The following ACKR2 variants were observed in gnomAD, a reference collection of about 807,000 sequenced individuals.
ACKR2 encodes the protein C-C chemokine receptor D6.
For synonymous variants in ACKR2, 207 were observed against 192.2 expected, an observed-to-expected ratio of 1.08 and a Z score of -0.64; for missense variants, 457 against 477.3, an observed-to-expected ratio of 0.96 and a Z score of 0.40.
intron 1 of ACKR2, among the ~76,000 whole-genome samples, chr3:42,815,793 C>A (rs74396859): frequency 0.019 from 2,869 of 152,282 alleles, 90 homozygotes; most frequent in African/African-American, 0.065. Flanking sequence ...CATTCCAGAA[C>A]ATTAATTCTC....
intron 2 of ACKR2, among the ~76,000 whole-genome samples, chr3:42,831,941 T>G (rs533285331): frequency 2.0e-5 from 3 of 152,308 alleles, no homozygotes; most frequent in African/African-American, 7.2e-5. Context: ...GGCCTTAATA[T>G]CACTAGAAAT....
chr3:42,840,587 TG>T (rs1311421801), intron 2 of ACKR2, among the ~76,000 whole-genome samples: 2 of 152,202 alleles, frequency 1.3e-5, no homozygotes, highest in African/African-American at 4.8e-5. Flanking sequence ...TAACTTGACT[TG>T]TAAGTGGCAA....
chr3:42,812,853 A>AT (rs1363603094), intron 1 of ACKR2, among the ~76,000 whole-genome samples: 5 of 151,300 alleles, frequency 3.3e-5, no homozygotes, highest in African/African-American at 7.3e-5. Context: ...CATCCGGCTA[A>AT]TTTTTTTGTA....
chr3:42,836,198 C>T (rs1291698045), intron 2 of ACKR2, among the ~76,000 whole-genome samples: 1 of 152,208 alleles, frequency 6.6e-6, no homozygotes, highest in Non-Finnish European at 1.5e-5. Context: ...TCTCTCCCAC[C>T]TCCAAAGTTG....
At chr3:42,842,622 A>G (rs568417158) in intron 2 of ACKR2, among the ~76,000 whole-genome samples, 1 of 152,310 alleles carries the variant, frequency 6.6e-6, no homozygotes, top group South Asian at 2.1e-4. Flanking sequence ...TTCTGTCCAC[A>G]CCCAATTCAT....
intron 2 of ACKR2, among the ~76,000 whole-genome samples, chr3:42,845,840 C>G (rs1458361822): frequency 7.4e-6 from 1 of 134,532 alleles, no homozygotes; most frequent in African/African-American, 2.9e-5. Flanking sequence ...CAGAGCAAGA[C>G]TCCGTCTCAA....
At chr3:42,862,758 G>A (rs1456232282) in intron 2 of ACKR2, among the ~76,000 whole-genome samples, 1 of 152,192 alleles carries the variant, frequency 6.6e-6, no homozygotes, top group Non-Finnish European at 1.5e-5. Flanking sequence ...AAGCAATGGG[G>A]AAAGGATTCT....
intron 2 of ACKR2, among the ~76,000 whole-genome samples, chr3:42,862,125 A>G (rs1359841117): frequency 6.6e-6 from 1 of 152,234 alleles, no homozygotes; most frequent in Non-Finnish European, 1.5e-5. Context: ...CCATCGCCTC[A>G]GCCCAAAATC....
At chr3:42,837,221 GT>G (rs879898582) in intron 2 of ACKR2, among the ~76,000 whole-genome samples, 15 of 146,110 alleles carry the variant, frequency 1.0e-4, no homozygotes, top group South Asian at 2.2e-4. Context: ...GGAGCCTGAA[GT>G]TTTTTTTTTT....
Position 42,865,076 on chromosome 3 carries a change from G to A in ACKR2, c.574G>A (p.Val192Met), listed in dbSNP as rs960929452. ...FVQTHENPKG[V>M]WNCHADFGGH... ...ACAGACACATGAAAATCCCAAGGGT[G>A]TGTGGAACTGCCACGCAGATTTCGG... The change falls in exon 3 of 3, where the codon GTG (valine) becomes ATG (methionine). Residue 192 changes from valine to methionine, a missense_variant. Physicochemically the swap from Val to Met is conservative, Grantham distance 21. Coordinates refer to ENST00000422265, the MANE Select transcript of ACKR2 (RefSeq NM_001296.5). The A allele has an allele frequency of 1.3e-5, 21 of 1,613,984 alleles. No homozygotes were observed. Among genetic ancestry groups the A allele is most frequent in the Admixed American group, 1.7e-5 (1 of 59,998 alleles).
At chr3:42,825,384 A>C (rs984455758) in intron 2 of ACKR2, among the ~76,000 whole-genome samples, 2 of 152,120 alleles carry the variant, frequency 1.3e-5, no homozygotes, top group African/African-American at 4.8e-5. Flanking sequence ...ATTTCTTTCC[A>C]TGATGTTTTA....
rs2088434218 is a variant in ACKR2 at position 42,866,176 on chromosome 3, T to C, written c.*519T>C. 2 of 118,114 alleles carry C rather than the reference T, an allele frequency of 1.7e-5. No individual in the cohort carries two copies. Among genetic ancestry groups the C allele is most frequent in the African/African-American group, 6.5e-5 (2 of 30,920 alleles). 7.3% of individuals were successfully genotyped at this position (118,114 alleles called of 1,614,324 possible). On this transcript the variant is annotated 3_prime_UTR_variant, in exon 3 of 3. Coordinates refer to ENST00000422265, the MANE Select transcript of ACKR2 (RefSeq NM_001296.5). ...ATTTTTTTTCTTTCTTTCTTTCTTT[T>C]CTTTTTTTTTTTTTTTTGAGACGGA...
intron 2 of ACKR2, among the ~76,000 whole-genome samples, chr3:42,830,537 A>T (rs1471611797): frequency 6.6e-6 from 1 of 152,154 alleles, no homozygotes; most frequent in Non-Finnish European, 1.5e-5. Context: ...TGAAAACAAG[A>T]TATGGAGCAA....
intron 2 of ACKR2, among the ~76,000 whole-genome samples, chr3:42,857,672 A>G (rs1049079406): frequency 6.6e-6 from 1 of 152,226 alleles, no homozygotes; most frequent in Non-Finnish European, 1.5e-5. Flanking sequence ...ATTGGATAAA[A>G]TGTTTAAAAT....
In ACKR2 at chr3:42,858,364, G is replaced by A. The variant is rs540467890; in HGVS notation, c.-37-6102G>A. 2.0e-5 allele frequency among the ~76,000 whole-genome samples: 3 copies of A among 152,340 alleles called. No individual in the cohort carries two copies. The South Asian group carries it at 6.2e-4, about 32-fold the overall frequency. On this transcript the variant is annotated intron_variant, in intron 2 of 2. Transcript: ENST00000422265. ...ATTTGCTGTTTTGCAGCCTCTGCTA[G>A]TGATACCCAGGCAAACAGGTCTGGA...
Position 42,865,938 on chromosome 3 carries a change from C to G in ACKR2, c.*281C>G. The G allele has an allele frequency of 2.6e-6, 1 of 379,712 alleles. No individual in the cohort carries two copies. Among genetic ancestry groups the G allele is most frequent in the Non-Finnish European group, 4.9e-6 (1 of 203,766 alleles). 23.5% of individuals were successfully genotyped at this position (379,712 alleles called of 1,614,324 possible). A position where few individuals can be genotyped will look rare whatever the true frequency, so the allele number is the denominator to read the frequency against. On this transcript the variant is annotated 3_prime_UTR_variant, in exon 3 of 3. Coordinates refer to ENST00000422265, the MANE Select transcript of ACKR2 (RefSeq NM_001296.5). Reference sequence around the variant, plus strand: ...TCCCTCTCTCCCTCCCTCCCTCCCTCGCTTCTTCCCTTCCTCCTTTCCTCC... The same window carrying G: ...TCCCTCTCTCCCTCCCTCCCTCCCTGGCTTCTTCCCTTCCTCCTTTCCTCC...
chr3:42,829,973 C>T (rs1650846790), intron 2 of ACKR2, among the ~76,000 whole-genome samples: 1 of 152,186 alleles, frequency 6.6e-6, no homozygotes, highest in African/African-American at 2.4e-5. Flanking sequence ...TATTCCAAAA[C>T]CTAAACTCTG....
chr3:42,865,892 T>C lies in ACKR2; in HGVS notation c.*235T>C. 2.1e-6 allele frequency: 1 copy of C among 482,572 alleles called. No homozygotes were observed. Among genetic ancestry groups the C allele is most frequent in the South Asian group, 3.4e-5 (1 of 29,738 alleles). The allele number at this position is 482,572 out of a possible 1,614,324, so 29.9% of individuals were successfully genotyped here. A position where few individuals can be genotyped will look rare whatever the true frequency, so the allele number is the denominator to read the frequency against. On this transcript the variant is annotated 3_prime_UTR_variant, in exon 3 of 3. Coordinates refer to ENST00000422265, the MANE Select transcript of ACKR2 (RefSeq NM_001296.5). ...GCTACAATCTTTCTTCCTTCCTTCC[T>C]TGCTTCCTTCCTTCCTTCCTTCCCT... is the stretch of plus-strand genomic sequence containing the variant.
rs373051037 is a variant in ACKR2 at position 42,864,471 on chromosome 3, C to T, written c.-32C>T. The T allele has an allele frequency of 1.7e-5, 26 of 1,560,620 alleles. No individual in the cohort carries two copies. In the African/African-American group the frequency reaches 3.1e-4, roughly 19 times the overall value. On this transcript the variant is annotated 5_prime_UTR_variant, in exon 3 of 3. Coordinates refer to ENST00000422265, the MANE Select transcript of ACKR2 (RefSeq NM_001296.5). ...ACCATATTTTCCCCCCGCAGCACTA[C>T]AGGACGTCGGGACTGGGCATTTCCT...
Sources: allele counts gnomAD v4.1 joint callset (sites outside exome capture counted in the v4.1 genomes callset), GRCh38; gene constraint gnomAD v4.1.1; transcripts MANE v1.5; gene names NCBI Gene and HGNC (gene_info 2026-07-23, HGNC 2026-07-21).